Variants in LRRC9 observed in about 807,000 individuals in gnomAD.
The protein encoded by LRRC9 is leucine-rich repeat-containing protein 9.
A neutral mutation model predicts 63.2 loss-of-function variants in LRRC9; 122 were observed. The observed-to-expected ratio is 1.93, with a 90% CI of 1.67 to 2.24. The LOEUF (loss-of-function observed/expected upper bound fraction) is 2.24, where lower values mean the gene tolerates loss of function less well. LRRC9 is among the 30% of genes most tolerant of loss of function. LRRC9 has a pLI of 0.00. For missense variants in LRRC9, 1,071 were observed against 627.7 expected (o/e 1.71, Z -7.55); for synonymous variants, 366 against 213.1 (o/e 1.72, Z -6.25).
exon 22 of LRRC9, chr14:60,006,481 T>C (rs1889818193): frequency 4.3e-6 from 3 of 702,162 alleles, no homozygotes; most frequent in Non-Finnish European, 7.8e-6. Context: ...TTTGATAACA[T>C]GCTTCATCTT....
intron 27 of LRRC9, among the ~76,000 whole-genome samples, chr14:60,024,460 G>T (rs1891363922): frequency 6.6e-6 from 1 of 151,934 alleles, no homozygotes; most frequent in Non-Finnish European, 1.5e-5. Flanking sequence ...AATTTTTAAT[G>T]GCATAGGAGA....
At chr14:60,063,643 C>A, downstream of LRRC9, 1 of 336,700 alleles carries the variant, frequency 3.0e-6, no homozygotes, top group East Asian at 4.8e-5. Flanking sequence ...TTTGAAAAGA[C>A]AAAAGTGACA....
At chr14:60,043,014 T>C (rs1043617304) in intron 29 of LRRC9, among the ~76,000 whole-genome samples, 11 of 152,216 alleles carry the variant, frequency 7.2e-5, no homozygotes, top group Non-Finnish European at 1.5e-4. Context: ...CTTTCACTTC[T>C]TTGGTTAGAT....
At position 59,944,866 on chromosome 14, in the gene LRRC9, T is replaced by TCACA. The variant is rs3069510; in HGVS notation, c.882+139_882+142dup. ...ATATATAATACACACACACACACACTCACACACACACACACACACATATGT... is the reference window on the plus strand; with the variant it reads ...ATATATAATACACACACACACACACTCACACACACACACACACACACACATATGT... On this transcript the variant is annotated intron_variant, in intron 8 of 31. Transcript: ENST00000445360. 2.9e-4 allele frequency: 112 copies of TCACA among 383,516 alleles called. 1 individual carries two copies. In the East Asian group the frequency reaches 4.0e-3, roughly 14 times the overall value. 23.8% of individuals were successfully genotyped at this position (383,516 alleles called of 1,614,324 possible).
At chr14:59,975,926 G>A (rs1886230169) in intron 13 of LRRC9, among the ~76,000 whole-genome samples, 1 of 152,132 alleles carries the variant, frequency 6.6e-6, no homozygotes, top group Non-Finnish European at 1.5e-5. Context: ...GGTGAGCAGG[G>A]GGCAAGTGAG....
Position 59,932,154 on chromosome 14 carries a change from T to G in LRRC9, c.543+115T>G, listed in dbSNP as rs1193505134. On this transcript the variant is annotated intron_variant, in intron 6 of 31. Transcript: ENST00000445360. This position sits in a 1 kb window ranked among gnomAD's most constrained non-coding sequence, Gnocchi z 4.7. ...AAGGAATAAGTTCATTATTTTGGGC[T>G]GATGCTCCAGGAAATTTGAAAGTCA... is the stretch of plus-strand genomic sequence containing the variant. 7.0e-6 allele frequency: 4 copies of G among 574,278 alleles called. No individual in the cohort carries two copies. In the African/African-American group the frequency reaches 7.7e-5, roughly 11 times the overall value. The allele number at this position is 574,278 out of a possible 1,614,324, so 35.6% of individuals were successfully genotyped here. A position where few individuals can be genotyped will look rare whatever the true frequency, so the allele number is the denominator to read the frequency against.
intron 14 of LRRC9, among the ~76,000 whole-genome samples, chr14:59,977,646 G>C (rs1360409540): frequency 6.6e-6 from 1 of 151,550 alleles, no homozygotes; most frequent in African/African-American, 2.4e-5. Flanking sequence ...TTTAACAAGA[G>C]TTTTAGAGAA....
At chr14:59,995,008 T>TTAA (rs1555379310) in intron 17 of LRRC9, among the ~76,000 whole-genome samples, 10 of 149,546 alleles carry the variant, frequency 6.7e-5, no homozygotes, top group Non-Finnish European at 1.5e-4. Flanking sequence ...GAAAGTATAA[T>TTAA]AAAAAAAAAA....
chr14:59,952,933 T>C (rs1883330939), intron 8 of LRRC9, among the ~76,000 whole-genome samples: 1 of 152,198 alleles, frequency 6.6e-6, no homozygotes, highest in African/African-American at 2.4e-5. Flanking sequence ...CCTGTGTTAG[T>C]TTGCTGAGAG....
intron 17 of LRRC9, among the ~76,000 whole-genome samples, chr14:59,991,802 T>TAAAC (rs56197427): frequency 0.73 from 108,529 of 148,072 alleles, 41,592 homozygotes; most frequent in Non-Finnish European, 0.86. Flanking sequence ...CTTCAGTAGG[T>TAAAC]AAAGCAGCCC....
At chr14:60,065,670 T>TAAAAAAAAA (rs763254218), downstream of LRRC9, among the ~76,000 whole-genome samples, 5 of 21,616 alleles carry the variant, frequency 2.3e-4, no homozygotes, top group Non-Finnish European at 5.8e-4. Context: ...AAAAAAACTG[T>TAAAAAAAAA]AAAAGAGAGT....
At chr14:59,946,041 C>A (rs1016078690) in intron 8 of LRRC9, among the ~76,000 whole-genome samples, 5 of 151,208 alleles carry the variant, frequency 3.3e-5, no homozygotes, top group African/African-American at 1.2e-4. Flanking sequence ...AGTAAATCTA[C>A]TTCTAGCACT....
chr14:60,038,358 G>A (rs1319322856), intron 29 of LRRC9, among the ~76,000 whole-genome samples: 1 of 152,198 alleles, frequency 6.6e-6, no homozygotes, highest in Non-Finnish European at 1.5e-5. Flanking sequence ...ACATTGGGCA[G>A]TATGGCCATT....
At chr14:59,950,689 C>T (rs1344257139) in intron 8 of LRRC9, among the ~76,000 whole-genome samples, 1 of 133,000 alleles carries the variant, frequency 7.5e-6, no homozygotes, top group Non-Finnish European at 1.6e-5. Context: ...TTAGGGCAGG[C>T]CTGGTGGTGA....
intron 8 of LRRC9, among the ~76,000 whole-genome samples, chr14:59,951,675 C>T (rs1194071868): frequency 0.011 from 1,624 of 145,108 alleles, 19 homozygotes; most frequent in African/African-American, 0.037. Flanking sequence ...GATGGGTTTT[C>T]GGTGTGGATG....
chr14:59,970,692 G>A (rs1490165372), intron 12 of LRRC9, among the ~76,000 whole-genome samples: 1 of 152,080 alleles, frequency 6.6e-6, no homozygotes, highest in Admixed American at 6.6e-5. Context: ...GTGATGATGA[G>A]CTTTTTTTCT....
chr14:60,066,365 A>G (rs1489364730), downstream of LRRC9, among the ~76,000 whole-genome samples: 1 of 152,104 alleles, frequency 6.6e-6, no homozygotes, highest in Non-Finnish European at 1.5e-5. Flanking sequence ...GTCATGCTCT[A>G]GGCTCTTGGC....
Position 59,955,804 on chromosome 14 carries a change from G to C in LRRC9, c.883-4014G>C, listed in dbSNP as rs1017351060. 4.6e-5 allele frequency among the ~76,000 whole-genome samples: 7 copies of C among 152,294 alleles called. No homozygotes were observed. The East Asian group carries it at 1.3e-3, about 29-fold the overall frequency. On this transcript the variant is annotated intron_variant, in intron 8 of 31. Coordinates refer to ENST00000445360, the Ensembl canonical transcript of LRRC9. ...TGCTATAAATTTCCCTCTTAACACTGCTGTAGCTGTGTCCCAGAGATTCTG... is the reference window on the plus strand; with the variant it reads ...TGCTATAAATTTCCCTCTTAACACTCCTGTAGCTGTGTCCCAGAGATTCTG...
chr14:60,050,492 C>A (rs1299713234), intron 29 of LRRC9, among the ~76,000 whole-genome samples: 1 of 152,094 alleles, frequency 6.6e-6, no homozygotes, highest in African/African-American at 2.4e-5. Flanking sequence ...TTCTTAGCTT[C>A]TTTGCATTGG....
Sources: gnomAD v4.1 joint callset for allele counts (sites outside exome capture counted in the v4.1 genomes callset) on GRCh38, gnomAD v4.1.1 for gene constraint, Gnocchi (gnomAD v3.1) non-coding constraint, MANE v1.5 for transcripts, NCBI Gene and HGNC (gene_info 2026-07-23, HGNC 2026-07-21) for gene names.